Variants in KIFC3 observed in about 807,000 individuals in gnomAD.
KIFC3 encodes the protein kinesin-like protein KIFC3.
A neutral mutation model predicts 101.8 loss-of-function variants in KIFC3; 60 were observed. The ratio of observed to expected loss-of-function variants is 0.59; its 90% CI spans 0.48 to 0.73. The LOEUF (loss-of-function observed/expected upper bound fraction) is 0.73, where lower values mean the gene tolerates loss of function less well. Among genes scored for constraint, KIFC3 ranks in the 30% least tolerant of loss-of-function variants. The pLI, the probability that KIFC3 is intolerant of heterozygous loss-of-function variation, is 0.00. For synonymous variants in KIFC3, 476 were observed against 482.7 expected, an observed-to-expected ratio of 0.99 and a Z score of 0.18; for missense variants, 966 against 1,137.1, an observed-to-expected ratio of 0.85 and a Z score of 2.16.
upstream of KIFC3, chr16:57,802,557 G>T (rs2054810758): frequency 1.0e-6 from 1 of 990,330 alleles, no homozygotes; most frequent in Non-Finnish European, 1.2e-6. This position sits in a 1 kb window ranked among gnomAD's most constrained non-coding sequence, Gnocchi z 5.0. Context: ...AACCGGCTCC[G>T]ACCCCGGCGG....
intron 12 of KIFC3, among the ~76,000 whole-genome samples, chr16:57,763,622 G>A (rs2050115801): frequency 6.6e-6 from 1 of 152,136 alleles, no homozygotes. Context: ...ACCACACCTG[G>A]GAGGGTGCCG....
chr16:57,858,573 A>G (rs1384204191), intron 1 of KIFC3, among the ~76,000 whole-genome samples: 1 of 152,090 alleles, frequency 6.6e-6, no homozygotes, highest in African/African-American at 2.4e-5. Flanking sequence ...GTATAATTGC[A>G]TGTCATTAAC....
In KIFC3 at chr16:57,799,668, G is replaced by A. The variant is rs188023331; in HGVS notation, c.-39-1386C>T. Among the ~76,000 whole-genome samples, 21 of 152,306 alleles carry A rather than the reference G, an allele frequency of 1.4e-4. 1 individual carries two copies. Among genetic ancestry groups the A allele is most frequent in the Middle Eastern group, 3.4e-3 (1 of 294 alleles). Reference sequence around the variant, plus strand: ...CTCAGAGCTAAACAGGGCCACCAACGCCACAGGTGAGGAGGCAATCATCAA... The same window carrying A: ...CTCAGAGCTAAACAGGGCCACCAACACCACAGGTGAGGAGGCAATCATCAA... On this transcript the variant is annotated intron_variant, in intron 1 of 19. Transcript: ENST00000445690.
At chr16:57,784,375 C>T (rs1446772785) in intron 3 of KIFC3, among the ~76,000 whole-genome samples, 2 of 152,142 alleles carry the variant, frequency 1.3e-5, no homozygotes, top group Non-Finnish European at 2.9e-5. Context: ...GAGCCCCACC[C>T]GACTCAGCAA....
rs550770182 is a variant in KIFC3 at position 57,798,244 on chromosome 16, G to A, written c.-1C>T. On this transcript the variant is annotated 5_prime_UTR_variant, in exon 2 of 20. Transcript: ENST00000445690. The stretch of plus-strand genomic sequence containing the variant: ...TCCACGTCCTGCGAGAGGGGACCAT[G>A]GCCTGGGGCTCAGCAGCCTCCTCGG... 6 of 1,552,132 alleles carry A rather than the reference G, an allele frequency of 3.9e-6. No individual in the cohort carries two copies. The highest frequency in any genetic ancestry group is 5.2e-6 in the Non-Finnish European group (6 of 1,148,704).
intron 2 of KIFC3, among the ~76,000 whole-genome samples, chr16:57,796,962 A>C (rs1750586858): frequency 6.6e-6 from 1 of 152,238 alleles, no homozygotes; most frequent in Non-Finnish European, 1.5e-5. Context: ...TGCCCCTTTC[A>C]GACAACTGGG....
chr16:57,778,590 C>T (rs941572742), intron 3 of KIFC3, among the ~76,000 whole-genome samples: 2 of 152,078 alleles, frequency 1.3e-5, no homozygotes, highest in South Asian at 4.1e-4. Context: ...CAACAACAAA[C>T]CCAATTTAAG....
intron 3 of KIFC3, chr16:57,774,627 A>C: frequency 1.3e-5 from 3 of 233,468 alleles, no homozygotes; most frequent in Non-Finnish European, 1.6e-5. Context: ...GACTCAAGCC[A>C]TCCTCCCATC....
chr16:57,761,843 C>G (rs1055593405), intron 13 of KIFC3, among the ~76,000 whole-genome samples: 2 of 152,178 alleles, frequency 1.3e-5, no homozygotes, highest in Admixed American at 6.5e-5. Context: ...CTCCTCCCCC[C>G]AGAACCATCC....
intron 1 of KIFC3, among the ~76,000 whole-genome samples, chr16:57,845,641 A>T (rs2055902972): frequency 6.6e-6 from 1 of 152,016 alleles, no homozygotes; most frequent in African/African-American, 2.4e-5. Context: ...GTGTTCCTCA[A>T]GGAGACTCTC....
At chr16:57,782,762 G>A (rs1204072758) in intron 3 of KIFC3, among the ~76,000 whole-genome samples, 2 of 152,200 alleles carry the variant, frequency 1.3e-5, no homozygotes, top group Non-Finnish European at 2.9e-5. Flanking sequence ...TGAACAACAT[G>A]GTGAAACCCC....
rs549228478 is a variant in KIFC3 at position 57,787,839 on chromosome 16, C to T, written c.315+7160G>A. On this transcript the variant is annotated intron_variant, in intron 3 of 19. Coordinates refer to ENST00000445690, the MANE Select transcript of KIFC3 (RefSeq NM_001130100.2). ...GGGACAGCCTCAGAGAAGGGAGTGG[C>T]TCCTTCCACCACATGGCAAGTTCAG... 1.3e-4 allele frequency among the ~76,000 whole-genome samples: 20 copies of T among 152,310 alleles called. No homozygotes were observed. In the East Asian group the frequency reaches 3.5e-3, roughly 26 times the overall value.
intron 1 of KIFC3, chr16:57,816,220 G>A (rs1455307184): frequency 7.8e-7 from 1 of 1,287,928 alleles, no homozygotes; most frequent in East Asian, 5.6e-5. Flanking sequence ...CCATTCACAG[G>A]TGAGAAAACC....
rs1415574386 is a variant in KIFC3, at chr16:57,802,415, C to T, written c.-85G>A. 22 of 983,098 alleles carry T rather than the reference C, an allele frequency of 2.2e-5. No individual in the cohort carries two copies. Among genetic ancestry groups the T allele is most frequent in the Non-Finnish European group, 2.2e-5 (18 of 829,050 alleles). 60.9% of individuals were successfully genotyped at this position (983,098 alleles called of 1,614,324 possible). On this transcript the variant is annotated 5_prime_UTR_variant, in exon 1 of 20. Transcript: ENST00000445690. The surrounding 1 kb of genome is among the most constrained non-coding windows in gnomAD (Gnocchi z 5.0). ...CCAGGCGTCGCCGCAGCGCCCGGGG[C>T]TCGGCCCGGCCCGGCCCGCCGGCAG...
chr16:57,770,547 T>C lies in KIFC3; in HGVS notation c.919A>G (p.Thr307Ala). The change falls in exon 7 of 20, where the codon ACC (threonine) becomes GCC (alanine). Residue 307 changes from threonine to alanine, a missense_variant. Physicochemically the swap from Thr to Ala is moderately conservative, Grantham distance 58. This residue lies in a region of KIFC3 where 689 missense variants were observed against 884.6 expected (regional missense o/e 0.78). Coordinates refer to ENST00000445690, the MANE Select transcript of KIFC3 (RefSeq NM_001130100.2). ...GGTACCTGCGCCCGGAGCCGCGCGG[T>C]CAGCTGGTGTGAGCTCTGCAGCTGC... Reference protein sequence around the residue: ...EQQLQSSHQLTARLRAQIAMY... With the variant: ...EQQLQSSHQLAARLRAQIAMY... The C allele has an allele frequency of 6.8e-7, 1 of 1,469,408 alleles. No individual in the cohort carries two copies. Among genetic ancestry groups the C allele is most frequent in the Non-Finnish European group, 9.0e-7 (1 of 1,109,860 alleles). 91.0% of individuals were successfully genotyped at this position (1,469,408 alleles called of 1,614,324 possible). A position where few individuals can be genotyped will look rare whatever the true frequency, so the allele number is the denominator to read the frequency against.
intron 1 of KIFC3, among the ~76,000 whole-genome samples, chr16:57,862,193 CTTT>C (rs55718589): frequency 1.1e-3 from 143 of 128,372 alleles, no homozygotes; most frequent in African/African-American, 3.9e-3. Context: ...CTACATCTGG[CTTT>C]TTTTTTTTTT....
intron 1 of KIFC3, among the ~76,000 whole-genome samples, chr16:57,830,382 C>T (rs947977939): frequency 5.9e-5 from 9 of 151,764 alleles, no homozygotes; most frequent in African/African-American, 2.2e-4. Context: ...AGATTACAGG[C>T]ACCCGCCACC....
In KIFC3 at chr16:57,857,314, C is replaced by T. The variant is rs538239901; in HGVS notation, c.108+5415G>A. Among the ~76,000 whole-genome samples the T allele has an allele frequency of 2.0e-5, 3 of 152,060 alleles. No homozygotes were observed. In the South Asian group the frequency reaches 6.2e-4, roughly 32 times the overall value. ...CCTGTTTCCAAATCTTGTTCCAGGG[C>T]CCCTGACTTCAGCTTGGCCTCCTGA... On this transcript the variant is annotated intron_variant, in intron 1 of 2. Transcript: ENST00000563028.
intron 1 of KIFC3, chr16:57,813,873 G>C: frequency 1.0e-6 from 1 of 985,354 alleles, no homozygotes; most frequent in Non-Finnish European, 1.2e-6. Flanking sequence ...TGCGGTCCCT[G>C]GTAGACAGGT....
Sources: gnomAD v4.1 joint callset for allele counts (sites outside exome capture counted in the v4.1 genomes callset) on GRCh38, gnomAD v4.1.1 for gene constraint, gnomAD v4.1.1 regional missense constraint, Gnocchi (gnomAD v3.1) non-coding constraint, MANE v1.5 for transcripts, NCBI Gene and HGNC (gene_info 2026-07-23, HGNC 2026-07-21) for gene names.